The following ANKAR variants were observed in gnomAD, a reference collection of about 807,000 sequenced individuals.
ANKAR encodes ankyrin and armadillo repeat containing.
In ANKAR, 136 loss-of-function variants were observed where a neutral mutation model predicts 146.2. The ratio of observed to expected loss-of-function variants is 0.93; its 90% CI spans 0.81 to 1.07. The LOEUF (loss-of-function observed/expected upper bound fraction) is 1.07, where lower values mean the gene tolerates loss of function less well. Among genes scored for constraint, ANKAR ranks in the 50% least tolerant of loss-of-function variants. ANKAR has a pLI of 0.00. For synonymous variants in ANKAR, 500 were observed against 575.8 expected, an observed-to-expected ratio of 0.87 and a Z score of 1.88; for missense variants, 1,567 against 1,679.9, an observed-to-expected ratio of 0.93 and a Z score of 1.18.
intron 18 of ANKAR, among the ~76,000 whole-genome samples, chr2:189,755,895 A>AT: frequency 6.6e-6 from 1 of 152,328 alleles, no homozygotes; most frequent in African/African-American, 2.4e-5. Flanking sequence ...AGGAAAATTA[A>AT]TTTCCTTGCT....
At chr2:189,762,717 C>G (rs1186063173), downstream of ANKAR, 1 of 985,268 alleles carries the variant, frequency 1.0e-6, no homozygotes, top group East Asian at 1.1e-4. Context: ...TAGCACTTGT[C>G]TCCTTTCCCT....
chr2:189,680,140 C>A (rs2034425339), intron 2 of ANKAR, among the ~76,000 whole-genome samples: 1 of 152,078 alleles, frequency 6.6e-6, no homozygotes. Context: ...TTGGTCTGTT[C>A]AGAGTTTCTG....
chr2:189,688,693 C>G (rs2035963770), intron 2 of ANKAR, among the ~76,000 whole-genome samples: 1 of 152,178 alleles, frequency 6.6e-6, no homozygotes, highest in Non-Finnish European at 1.5e-5. Context: ...TACGAACATT[C>G]ATGAAGTGGG....
downstream of ANKAR, chr2:189,763,048 T>A (rs1169736567): frequency 5.3e-6 from 5 of 952,224 alleles, no homozygotes; most frequent in Non-Finnish European, 6.2e-6. Context: ...TAAAAAGAAA[T>A]TTTTTTTTTG....
intron 18 of ANKAR, among the ~76,000 whole-genome samples, chr2:189,757,863 T>C (rs1012794292): frequency 6.6e-6 from 1 of 152,252 alleles, no homozygotes; most frequent in Admixed American, 6.5e-5. Context: ...AAGTGACCTA[T>C]GCTCTAGCTA....
chr2:189,746,343 C>T (rs2044161337), intron 22 of ANKAR, 37 bp from the exon 23 acceptor site: 1 of 1,564,344 alleles, frequency 6.4e-7, no homozygotes, highest in Non-Finnish European at 8.6e-7. Flanking sequence ...ATACCTAGGG[C>T]TCTCAGGAGA....
At chr2:189,693,265 A>G in intron 5 of ANKAR, 88 bp downstream of exon 5, 1 of 817,484 alleles carries the variant, frequency 1.2e-6, no homozygotes. Context: ...GCAAAGGTTA[A>G]TGTAAACCTT....
At chr2:189,704,309 A>AT (rs1204289729) in intron 7 of ANKAR, among the ~76,000 whole-genome samples, 3 of 149,718 alleles carry the variant, frequency 2.0e-5, no homozygotes, top group South Asian at 2.1e-4. Context: ...GACCAGTTAA[A>AT]TTTTTTTTGT....
Position 189,742,953 on chromosome 2 carries a change from CACACACACACACACACACACACACA to C in ANKAR, c.3811-321_3811-297del, listed in dbSNP as rs2043569616. On this transcript the variant is annotated intron_variant, in intron 20 of 22. Transcript: ENST00000684021. ...ACACACACACACACACACACACACA[CACACACACACACACACACACACACA>C]CACCCCTGAAAGGATTCTGATTTAG... Among the ~76,000 whole-genome samples, 4 of 143,624 alleles carry C rather than the reference CACACACACACACACACACACACACA, an allele frequency of 2.8e-5. No individual in the cohort carries two copies. In the South Asian group the frequency reaches 6.6e-4, roughly 24 times the overall value. 94.2% of individuals were successfully genotyped at this position (143,624 alleles called of 152,430 possible). A position where few individuals can be genotyped will look rare whatever the true frequency, so the allele number is the denominator to read the frequency against.
chr2:189,746,986 T>G (rs1161009962), downstream of ANKAR: 1 of 158,070 alleles, frequency 6.3e-6, no homozygotes, highest in African/African-American at 2.4e-5. Flanking sequence ...CTTTGAGATA[T>G]TTAGTAATAA....
At chr2:189,761,356 A>G, downstream of ANKAR, 2 of 1,519,796 alleles carry the variant, frequency 1.3e-6, no homozygotes, top group Non-Finnish European at 1.8e-6. Context: ...ATATATGACA[A>G]ATACAAAAGA....
At chr2:189,682,994 T>C (rs1437973326) in intron 2 of ANKAR, among the ~76,000 whole-genome samples, 1 of 151,952 alleles carries the variant, frequency 6.6e-6, no homozygotes, top group African/African-American at 2.4e-5. Flanking sequence ...CATTGGAGGG[T>C]GATTAGTTCA....
At chr2:189,744,847 G>C in intron 22 of ANKAR, 59 bp downstream of exon 22, 3 of 1,329,314 alleles carry the variant, frequency 2.3e-6, no homozygotes, top group Non-Finnish European at 3.2e-6. Flanking sequence ...TTATAATTCT[G>C]TATTCCATCT....
intron 2 of ANKAR, among the ~76,000 whole-genome samples, chr2:189,680,052 AT>A: frequency 6.6e-6 from 1 of 152,294 alleles, no homozygotes; most frequent in South Asian, 2.1e-4. Flanking sequence ...GTCTGATAGA[AT>A]GCAGCTGTGA....
rs1236696935 is a variant in ANKAR at position 189,752,524 on chromosome 2, A to G, written c.*584+7736A>G. The G allele has an allele frequency of 2.5e-5, 21 of 854,922 alleles. No homozygotes were observed. In the South Asian group the frequency reaches 3.3e-4, roughly 14 times the overall value. The allele number at this position is 854,922 out of a possible 1,614,324, so 53.0% of individuals were successfully genotyped here. A position where few individuals can be genotyped will look rare whatever the true frequency, so the allele number is the denominator to read the frequency against. On this transcript the variant is annotated intron_variant and NMD_transcript_variant, in intron 18 of 18. Transcript: ENST00000441800. ...GGTATCAACCTTAACTAGGTTCATGAAAGAAATTTATGTAACTTTCCTTCA... is the reference window on the plus strand; with the variant it reads ...GGTATCAACCTTAACTAGGTTCATGGAAGAAATTTATGTAACTTTCCTTCA...
intron 22 of ANKAR, among the ~76,000 whole-genome samples, chr2:189,745,190 C>CAA (rs527874516): frequency 6.8e-6 from 1 of 146,218 alleles, no homozygotes; most frequent in Non-Finnish European, 1.5e-5. Context: ...GACTCTGTCT[C>CAA]AAAAAAAAAA....
Position 189,716,165 on chromosome 2 carries a change from G to T in ANKAR, c.2225-3407G>T, listed in dbSNP as rs1336387214. On this transcript the variant is annotated intron_variant, in intron 10 of 22. Coordinates refer to ENST00000684021, the MANE Select transcript of ANKAR (RefSeq NM_001378068.1). ...AGTCAAATTGTCCCTGTTTGCAGATGACATGATTGTATATTTAGAAAACCC... is the reference window on the plus strand; with the variant it reads ...AGTCAAATTGTCCCTGTTTGCAGATTACATGATTGTATATTTAGAAAACCC... Among the ~76,000 whole-genome samples, 4 of 152,206 alleles carry T rather than the reference G, an allele frequency of 2.6e-5. No homozygotes were observed. The East Asian group carries it at 7.7e-4, about 29-fold the overall frequency.
chr2:189,717,955 G>A (rs1314708758), intron 10 of ANKAR, among the ~76,000 whole-genome samples: 3 of 152,142 alleles, frequency 2.0e-5, no homozygotes, highest in Non-Finnish European at 4.4e-5. Flanking sequence ...GAGGCAGGGG[G>A]AGGGACAGCA....
At chr2:189,759,595 G>A (rs1035956895) in intron 18 of ANKAR, among the ~76,000 whole-genome samples, 4 of 152,110 alleles carry the variant, frequency 2.6e-5, no homozygotes, top group African/African-American at 7.2e-5. Context: ...GAGAGGATAT[G>A]GAACTTGCCT....
Sources: allele counts gnomAD v4.1 joint callset (sites outside exome capture counted in the v4.1 genomes callset), GRCh38; gene constraint gnomAD v4.1.1; transcripts MANE v1.5; gene names NCBI Gene and HGNC (gene_info 2026-07-23, HGNC 2026-07-21).